The following EML4 variants were observed in gnomAD, a reference collection of about 807,000 sequenced individuals.
EML4 encodes the protein echinoderm microtubule-associated protein-like 4.
In EML4, 72 loss-of-function variants were observed where a neutral mutation model predicts 129.0. The ratio of observed to expected loss-of-function variants is 0.56; its 90% CI spans 0.46 to 0.68. The LOEUF is 0.68. EML4 is among the 30% of genes least tolerant of loss of function. EML4 has a pLI of 0.00. For synonymous variants in EML4, 532 were observed against 405.0 expected (o/e 1.31, Z -3.77); for missense variants, 1,363 against 1,190.6 (o/e 1.14, Z -2.13).
At chr2:42,199,108 T>G (rs1672065978) in intron 1 of EML4, among the ~76,000 whole-genome samples, 1 of 152,132 alleles carries the variant, frequency 6.6e-6, no homozygotes, top group Non-Finnish European at 1.5e-5. Flanking sequence ...AAAGTTTCCA[T>G]GAAGCTAAAG....
At chr2:42,301,053 A>C (rs1042412877) in intron 13 of EML4, among the ~76,000 whole-genome samples, 188 bp from the exon 14 acceptor site, 1 of 152,202 alleles carries the variant, frequency 6.6e-6, no homozygotes, top group African/African-American at 2.4e-5. Context: ...AGAAATGCAA[A>C]AGATTGTATT....
chr2:42,326,301 A>G (rs1224654378), intron 21 of EML4, 49 bp downstream of exon 21: 2 of 1,279,590 alleles, frequency 1.6e-6, no homozygotes, highest in African/African-American at 1.5e-5. Flanking sequence ...GGTTTTTTAT[A>G]TATAATATTT....
At chr2:42,278,811 C>G (rs544480562) in intron 6 of EML4, among the ~76,000 whole-genome samples, 18 of 151,954 alleles carry the variant, frequency 1.2e-4, no homozygotes, top group African/African-American at 4.3e-4. Flanking sequence ...TGGCACATGC[C>G]TATAATCCCA....
chr2:42,207,039 C>T (rs1331690670), intron 1 of EML4, among the ~76,000 whole-genome samples: 1 of 152,146 alleles, frequency 6.6e-6, no homozygotes, highest in East Asian at 1.9e-4. Flanking sequence ...TGAGACAATG[C>T]AGCTGTCACT....
chr2:42,269,062 A>G (rs1666224786), intron 6 of EML4, among the ~76,000 whole-genome samples: 1 of 152,224 alleles, frequency 6.6e-6, no homozygotes, highest in South Asian at 2.1e-4. Context: ...ATTTCAGTAC[A>G]GTGATATCCT....
intron 7 of EML4, among the ~76,000 whole-genome samples, chr2:42,282,368 A>T (rs1218603679): frequency 8.5e-6 from 1 of 117,420 alleles, no homozygotes; most frequent in Non-Finnish European, 1.6e-5. Context: ...TAATGGCAGG[A>T]TATGAGTTTT....
chr2:42,242,701 T>G (rs947284902), intron 1 of EML4, among the ~76,000 whole-genome samples: 1 of 151,832 alleles, frequency 6.6e-6, no homozygotes, highest in East Asian at 1.9e-4. Flanking sequence ...TTTTCTCTTT[T>G]CTTTTCTTTC....
At chr2:42,261,765 G>C (rs1289393814) in intron 4 of EML4, among the ~76,000 whole-genome samples, 1 of 152,128 alleles carries the variant, frequency 6.6e-6, no homozygotes, top group Non-Finnish European at 1.5e-5. Flanking sequence ...TCAGTTTTGG[G>C]TCTTGGGAGG....
intron 1 of EML4, among the ~76,000 whole-genome samples, chr2:42,217,252 T>C (rs776467118): frequency 2.0e-5 from 3 of 152,232 alleles, no homozygotes; most frequent in Non-Finnish European, 4.4e-5. Flanking sequence ...GACAAACAAA[T>C]TGTAATCTTA....
intron 1 of EML4, among the ~76,000 whole-genome samples, chr2:42,179,773 T>C (rs1313302704): frequency 6.6e-6 from 1 of 152,168 alleles, no homozygotes; most frequent in African/African-American, 2.4e-5. Flanking sequence ...CGGCTAGTTT[T>C]GTATTTTTAG....
chr2:42,214,160 G>C (rs1415052454), intron 1 of EML4, among the ~76,000 whole-genome samples: 2 of 152,170 alleles, frequency 1.3e-5, no homozygotes, highest in African/African-American at 2.4e-5. Flanking sequence ...TAAGACAACA[G>C]CTTGGGCGGG....
chr2:42,178,345 C>G (rs898552257), intron 1 of EML4, among the ~76,000 whole-genome samples: 12 of 151,820 alleles, frequency 7.9e-5, no homozygotes, highest in Admixed American at 1.3e-4. Context: ...GAGTTCAAGA[C>G]CAGTCTGGGC....
At chr2:42,240,615 G>A (rs1338479682) in intron 1 of EML4, among the ~76,000 whole-genome samples, 3 of 152,072 alleles carry the variant, frequency 2.0e-5, no homozygotes, top group Non-Finnish European at 4.4e-5. Flanking sequence ...ATATTCTATG[G>A]TATGGACATA....
At chr2:42,298,087 T>A (rs552595864) in intron 13 of EML4, among the ~76,000 whole-genome samples, 1 of 152,168 alleles carries the variant, frequency 6.6e-6, no homozygotes, top group Non-Finnish European at 1.5e-5. Context: ...AAGTTGAGAG[T>A]ATCTACAGAA....
chr2:42,176,901 C>T (rs934603860), intron 1 of EML4, among the ~76,000 whole-genome samples: 2 of 152,132 alleles, frequency 1.3e-5, no homozygotes, highest in African/African-American at 4.8e-5. Flanking sequence ...TCAAGGAATT[C>T]TCCTGCCTCA....
intron 1 of EML4, among the ~76,000 whole-genome samples, chr2:42,220,307 C>G (rs1019856385): frequency 6.7e-6 from 1 of 150,174 alleles, no homozygotes; most frequent in Non-Finnish European, 1.5e-5. Context: ...GTATTGGCCC[C>G]GTTTTTCCAA....
At chr2:42,182,952 A>G (rs916137120) in intron 1 of EML4, among the ~76,000 whole-genome samples, 1 of 151,942 alleles carries the variant, frequency 6.6e-6, no homozygotes, top group African/African-American at 2.4e-5. Context: ...TACCAGTTGT[A>G]TTGGATGAGG....
intron 1 of EML4, among the ~76,000 whole-genome samples, chr2:42,205,152 T>G (rs970544376): frequency 2.6e-5 from 4 of 152,226 alleles, no homozygotes; most frequent in African/African-American, 9.6e-5. Context: ...CAAAGATGAT[T>G]CATGCAGTCT....
At chr2:42,178,816 A>AG in intron 1 of EML4, among the ~76,000 whole-genome samples, 1 of 152,292 alleles carries the variant, frequency 6.6e-6, no homozygotes, top group East Asian at 1.9e-4. Context: ...TCTAAAGTGG[A>AG]GGGGGCTGAG....
Sources: gnomAD v4.1 joint callset for allele counts (sites outside exome capture counted in the v4.1 genomes callset) on GRCh38, gnomAD v4.1.1 for gene constraint, MANE v1.5 for transcripts, NCBI Gene and HGNC (gene_info 2026-07-23, HGNC 2026-07-21) for gene names.